ADGRG2: variants seen among roughly 807,000 people sequenced by gnomAD.
ADGRG2 encodes the protein adhesion G protein-coupled receptor G2, also known as G protein-coupled receptor 64.
A neutral mutation model predicts 74.1 loss-of-function variants in ADGRG2; 26 were observed. The observed-to-expected ratio is 0.35, with a 90% CI of 0.26 to 0.49. The LOEUF (loss-of-function observed/expected upper bound fraction) is 0.49. Among genes scored for constraint, ADGRG2 ranks in the 20% least tolerant of loss-of-function variants. The probability of loss-of-function intolerance (pLI) is 0.99; values close to 1 mark genes in which losing one functional copy is unlikely to be tolerated. For missense variants in ADGRG2, 619 were observed against 763.1 expected, an observed-to-expected ratio of 0.81 and a Z score of 2.22; for synonymous variants, 296 against 295.2, an observed-to-expected ratio of 1.00 and a Z score of -0.03.
At chrX:19,104,904 G>A (rs1447332314) in intron 1 of ADGRG2, among the ~76,000 whole-genome samples, 1 of 85,009 alleles carries the variant, frequency 1.2e-5, no homozygotes, top group Admixed American at 1.4e-4. Flanking sequence ...GTGATAGAGC[G>A]AGACTCTGTC....
At chrX:19,109,507 T>C (rs2062375608) in intron 1 of ADGRG2, among the ~76,000 whole-genome samples, 1 of 111,755 alleles carries the variant, frequency 8.9e-6, no homozygotes, top group Non-Finnish European at 1.9e-5. Context: ...TCCCCACATA[T>C]TCAAGTCATG....
chrX:19,003,999 T>C (rs2060182347), intron 23 of ADGRG2, among the ~76,000 whole-genome samples: 1 of 112,414 alleles, frequency 8.9e-6, no homozygotes, highest in Admixed American at 9.5e-5. Context: ...TCTGGTTATT[T>C]AGTCTCACTA....
intron 3 of ADGRG2, among the ~76,000 whole-genome samples, chrX:19,042,882 T>G (rs751341251): frequency 9.0e-6 from 1 of 110,834 alleles, no homozygotes; most frequent in African/African-American, 3.3e-5. Context: ...TCCCAGCTAC[T>G]TGGGAGGCGG....
intron 1 of ADGRG2, among the ~76,000 whole-genome samples, chrX:19,097,971 A>G (rs1376039766): frequency 2.7e-5 from 3 of 112,926 alleles, no homozygotes; most frequent in East Asian, 5.5e-4. Flanking sequence ...ACATAAGAAG[A>G]TGAATTATAT....
At chrX:19,071,189 CATG>C (rs1446915979) in intron 2 of ADGRG2, among the ~76,000 whole-genome samples, 1 of 111,758 alleles carries the variant, frequency 8.9e-6, no homozygotes, top group African/African-American at 3.3e-5. Context: ...CTTGACCTGA[CATG>C]ATGATGTTTT....
intron 1 of ADGRG2, among the ~76,000 whole-genome samples, chrX:19,114,353 G>GA (rs1334960941): frequency 9.0e-6 from 1 of 110,852 alleles, no homozygotes; most frequent in African/African-American, 3.3e-5. Flanking sequence ...TTGGAGAATG[G>GA]AAAAACAAAC....
chrX:19,010,824 C>T (rs914308727), intron 16 of ADGRG2, 46 bp from the exon 17 acceptor site: 6 of 1,010,253 alleles, frequency 5.9e-6, no homozygotes, highest in Non-Finnish European at 8.2e-6. Flanking sequence ...AATGGAAAAC[C>T]CACTAATAAA....
intron 9 of ADGRG2, 30 bp from the exon 10 acceptor site, chrX:19,028,268 A>C (rs780255476): frequency 2.8e-6 from 2 of 707,192 alleles, no homozygotes; most frequent in East Asian, 3.2e-5. Flanking sequence ...AAGATATTTG[A>C]GACTTGTATC....
At chrX:19,075,492 C>A (rs980462225) in intron 2 of ADGRG2, among the ~76,000 whole-genome samples, 102 of 108,355 alleles carry the variant, frequency 9.4e-4, no homozygotes, top group African/African-American at 3.4e-3. Context: ...GTGGCGCCCA[C>A]CTGTAATCCC....
upstream of ADGRG2, chrX:19,122,568 C>T (rs2062628900): frequency 9.1e-6 from 1 of 109,949 alleles, no homozygotes; most frequent in Non-Finnish European, 1.9e-5. Context: ...CGGCCCGCTC[C>T]GCCGCCAGCT....
At chrX:19,065,617 A>T (rs764533595) in intron 3 of ADGRG2, among the ~76,000 whole-genome samples, 11 of 111,830 alleles carry the variant, frequency 9.8e-5, no homozygotes, top group African/African-American at 2.9e-4. Context: ...ATTTGGATGA[A>T]TTTTTTCCCT....
intron 1 of ADGRG2, among the ~76,000 whole-genome samples, chrX:19,099,973 T>C (rs765271742): frequency 3.5e-4 from 39 of 111,436 alleles, no homozygotes; most frequent in Non-Finnish European, 6.0e-4. Flanking sequence ...AGGTTGAGGC[T>C]GCAGTGAGCC....
chrX:19,036,209 G>T lies in ADGRG2; in HGVS notation c.227-232C>A, dbSNP rs1601951179. 2.1e-5 allele frequency: 6 copies of T among 283,128 alleles called. 1 individual carries two copies. The Admixed American group carries it at 3.1e-4, about 15-fold the overall frequency. 23.3% of individuals were successfully genotyped at this position (283,128 alleles called of 1,213,427 possible). Reference sequence around the variant, plus strand: ...TCATTGATTCAAATGCAAGTTACATGTCTAAACACTTAGCAACACTCCCGT... The same window carrying T: ...TCATTGATTCAAATGCAAGTTACATTTCTAAACACTTAGCAACACTCCCGT... On this transcript the variant is annotated intron_variant, in intron 6 of 28. Transcript: ENST00000379869.
intron 28 of ADGRG2, among the ~76,000 whole-genome samples, chrX:18,993,687 G>GA (rs139677355): frequency 0.014 from 889 of 64,046 alleles, 8 homozygotes; most frequent in African/African-American, 0.031. Flanking sequence ...TAAAAAAAAA[G>GA]AAAAAAAAAA....
intron 1 of ADGRG2, among the ~76,000 whole-genome samples, chrX:19,087,701 G>A (rs1003581715): frequency 8.0e-5 from 9 of 111,986 alleles, no homozygotes; most frequent in Non-Finnish European, 1.7e-4. Flanking sequence ...TCATCAGTCT[G>A]GAGGGGCTGC....
chrX:19,116,906 T>C (rs2062526507), intron 1 of ADGRG2, among the ~76,000 whole-genome samples: 1 of 112,289 alleles, frequency 8.9e-6, no homozygotes, highest in East Asian at 2.8e-4. Context: ...TGAAAGATAA[T>C]TGAAAATATC....
Position 19,080,180 on chromosome X carries a change from G to A in ADGRG2, c.-2+2522C>T, listed in dbSNP as rs1323901689. ...CCGCCTCGGCCTCCCAAAGTGCTGG[G>A]ATTCTAGACGTGAGCCACCGCGCCC... On this transcript the variant is annotated intron_variant, in intron 2 of 28. Transcript: ENST00000379869. Among the ~76,000 whole-genome samples, 8 of 109,721 alleles carry A rather than the reference G, an allele frequency of 7.3e-5. No homozygotes were observed. In the Admixed American group the frequency reaches 7.7e-4, roughly 11 times the overall value.
At chrX:19,028,390 A>G (rs2060749976) in intron 9 of ADGRG2, 152 bp from the exon 10 acceptor site, 1 of 322,134 alleles carries the variant, frequency 3.1e-6, no homozygotes, top group Non-Finnish European at 5.5e-6. Flanking sequence ...ACTATTATCA[A>G]TATAATTTTC....
chrX:19,073,569 A>C (rs757911256), intron 2 of ADGRG2, among the ~76,000 whole-genome samples: 13 of 111,744 alleles, frequency 1.2e-4, no homozygotes, highest in Admixed American at 1.9e-4. Context: ...GAGCTCTTCA[A>C]TTTCATTAAA....
Sources: allele counts gnomAD v4.1 joint callset (sites outside exome capture counted in the v4.1 genomes callset), GRCh38; gene constraint gnomAD v4.1.1; transcripts MANE v1.5; gene names NCBI Gene and HGNC (gene_info 2026-07-23, HGNC 2026-07-21).